MAGEA11: variants seen among roughly 807,000 people sequenced by gnomAD.
MAGEA11 encodes MAGE family member A11, also known as melanoma-associated antigen 11.
A neutral mutation model predicts 8.4 loss-of-function variants in MAGEA11; 1 was observed. The observed-to-expected ratio is 0.12, with a 90% CI of 0.04 to 0.57. The LOEUF is 0.57. MAGEA11 is among the 20% of genes least tolerant of loss of function. The pLI, the probability that MAGEA11 is intolerant of heterozygous loss-of-function variation, is 0.91. For missense variants in MAGEA11, 209 were observed against 317.3 expected (o/e 0.66, Z 2.59); for synonymous variants, 127 against 119.3 (o/e 1.06, Z -0.42).
intron 1 of MAGEA11, among the ~76,000 whole-genome samples, chrX:149,697,838 T>A (rs2090336186): frequency 9.0e-6 from 1 of 111,648 alleles, no homozygotes; most frequent in Admixed American, 9.5e-5. Context: ...GGCCTGCAGG[T>A]GCATGCTGTT....
At chrX:149,709,083 G>A (rs782587019), upstream of MAGEA11, among the ~76,000 whole-genome samples, 23 of 109,098 alleles carry the variant, frequency 2.1e-4, no homozygotes, top group African/African-American at 6.7e-4. Context: ...TCAGGAGTTC[G>A]AGACCCGTCT....
chrX:149,688,962 G>A, exon 1 of MAGEA11: 1 of 1,026,985 alleles, frequency 9.7e-7, no homozygotes, highest in South Asian at 1.8e-5. Context: ...CATTGATACA[G>A]GCTAGGAATA....
chrX:149,701,996 A>C (rs1388315889), intron 1 of MAGEA11, among the ~76,000 whole-genome samples: 1 of 112,220 alleles, frequency 8.9e-6, no homozygotes, highest in Non-Finnish European at 1.9e-5. Context: ...GAAGTCAGGT[A>C]GCATGATGTT....
intron 1 of MAGEA11, among the ~76,000 whole-genome samples, chrX:149,700,723 AC>A (rs1262340454): frequency 1.3e-5 from 1 of 77,774 alleles, no homozygotes; most frequent in Non-Finnish European, 2.4e-5. Context: ...CCCTCCCCTG[AC>A]CCCACAACAG....
rs782753175 is a variant in MAGEA11 at position 149,715,824 on chromosome X, T to A, written c.338T>A (p.Leu113His). 22 of 1,208,293 alleles carry A rather than the reference T, an allele frequency of 1.8e-5. No homozygotes were observed. Among genetic ancestry groups the A allele is most frequent in the Non-Finnish European group, 2.5e-5 (22 of 894,618 alleles). ...PADLTRVIMP[L>H]EQRSQHCKPE... ...GACCTAACCAGAGTCATCATGCCTC[T>A]TGAGCAAAGAAGTCAGCACTGCAAG... The change falls in exon 5 of 5, where the codon CTT becomes CAT. Residue 113 changes from leucine to histidine, a missense_variant. Coordinates refer to ENST00000355220, the MANE Select transcript of MAGEA11 (RefSeq NM_005366.5).
intron 1 of MAGEA11, among the ~76,000 whole-genome samples, chrX:149,712,588 G>A (rs1402970132): frequency 1.8e-5 from 2 of 111,595 alleles, no homozygotes; most frequent in African/African-American, 6.5e-5. Flanking sequence ...GGCTCTGTGA[G>A]GAGGCAAGAT....
intron 1 of MAGEA11, among the ~76,000 whole-genome samples, chrX:149,702,355 A>G (rs984570990): frequency 8.1e-5 from 9 of 111,617 alleles, no homozygotes; most frequent in Non-Finnish European, 3.8e-5. Context: ...TATTAGGTAC[A>G]TATATGTTTA....
chrX:149,692,197 A>C (rs1323117186), intron 1 of MAGEA11, among the ~76,000 whole-genome samples: 1 of 111,941 alleles, frequency 8.9e-6, no homozygotes, highest in African/African-American at 3.3e-5. Context: ...ACTTGAGGTC[A>C]GGAGTTCGAG....
At chrX:149,706,067 G>C (rs2090375889) in intron 1 of MAGEA11, among the ~76,000 whole-genome samples, 1 of 112,049 alleles carries the variant, frequency 8.9e-6, no homozygotes, top group African/African-American at 3.2e-5. Context: ...CAGGGCTCCA[G>C]CTCACCTCCA....
At chrX:149,696,725 C>A (rs1369468056) in intron 1 of MAGEA11, among the ~76,000 whole-genome samples, 1 of 111,378 alleles carries the variant, frequency 9.0e-6, no homozygotes, top group African/African-American at 3.3e-5. Context: ...CTGACTGATC[C>A]CCGCAGAAGG....
intron 1 of MAGEA11, among the ~76,000 whole-genome samples, chrX:149,689,240 T>C (rs1486294156): frequency 4.5e-5 from 5 of 110,945 alleles, no homozygotes; most frequent in Non-Finnish European, 7.5e-5. Context: ...GGAGGGTAGA[T>C]GGAAAACCCA....
chrX:149,693,063 A>G (rs1002206194), intron 1 of MAGEA11, among the ~76,000 whole-genome samples: 2 of 112,519 alleles, frequency 1.8e-5, no homozygotes, highest in Non-Finnish European at 3.8e-5. Context: ...ACTGATACAC[A>G]TATTAATCAC....
intron 1 of MAGEA11, among the ~76,000 whole-genome samples, chrX:149,698,347 CTTT>C (rs1188471388): frequency 9.0e-6 from 1 of 110,700 alleles, no homozygotes; most frequent in Non-Finnish European, 1.9e-5. Flanking sequence ...CTTGTCTAGA[CTTT>C]TTATCATAAA....
chrX:149,691,431 G>A (rs2090310113), intron 1 of MAGEA11, among the ~76,000 whole-genome samples: 1 of 111,563 alleles, frequency 9.0e-6, no homozygotes, highest in Non-Finnish European at 1.9e-5. Context: ...ATTTTACTTT[G>A]TTGAGTGCTA....
At chrX:149,689,622 C>A (rs1557359965) in intron 1 of MAGEA11, among the ~76,000 whole-genome samples, 1 of 112,382 alleles carries the variant, frequency 8.9e-6, no homozygotes, top group African/African-American at 3.2e-5. Flanking sequence ...GGGGATGCCC[C>A]TGCACTGCTG....
intron 1 of MAGEA11, among the ~76,000 whole-genome samples, chrX:149,698,329 T>A (rs1311491752): frequency 3.6e-5 from 4 of 111,826 alleles, no homozygotes; most frequent in African/African-American, 1.3e-4. Context: ...ATTTCTTTTT[T>A]AATTCGACTT....
chrX:149,716,794 G>A lies in MAGEA11; in HGVS notation c.*18G>A. 1 of 1,171,551 alleles carries A rather than the reference G, an allele frequency of 8.5e-7. No individual in the cohort carries two copies. Among genetic ancestry groups the A allele is most frequent in the Non-Finnish European group, 1.1e-6 (1 of 874,190 alleles). ...GAGTCTGAGCATGAGATGCAACCAG[G>A]GCCAGCGGGCAGGGAAATGGGCCAA... On this transcript the variant is annotated 3_prime_UTR_variant, in exon 5 of 5. Transcript: ENST00000355220.
At chrX:149,713,785 G>A (rs2090414083) in intron 2 of MAGEA11, 1 of 114,047 alleles carries the variant, frequency 8.8e-6, no homozygotes, top group African/African-American at 3.3e-5. Context: ...TACACACCTG[G>A]TCAGCACAGG....
intron 1 of MAGEA11, among the ~76,000 whole-genome samples, chrX:149,702,351 G>A (rs1402973014): frequency 9.0e-6 from 1 of 110,806 alleles, no homozygotes; most frequent in Non-Finnish European, 1.9e-5. Context: ...GTGTTATTAG[G>A]TACATATATG....
Sources: allele counts gnomAD v4.1 joint callset (sites outside exome capture counted in the v4.1 genomes callset), GRCh38; gene constraint gnomAD v4.1.1; transcripts MANE v1.5; gene names NCBI Gene and HGNC (gene_info 2026-07-23, HGNC 2026-07-21).